WWC2: variants seen among roughly 807,000 people sequenced by gnomAD.
The protein encoded by WWC2 is WW and C2 domain containing 2.
In WWC2, 101 loss-of-function variants were observed where a neutral mutation model predicts 138.5. The observed-to-expected ratio is 0.73, with a 90% CI of 0.62 to 0.86. The LOEUF (loss-of-function observed/expected upper bound fraction) is 0.86, where lower values mean the gene tolerates loss of function less well. Ranked by LOEUF, WWC2 falls within the 40% of genes least tolerant of loss-of-function variation. The probability of loss-of-function intolerance (pLI) is 0.00; values close to 1 mark genes in which losing one functional copy is unlikely to be tolerated. For missense variants in WWC2, 1,420 were observed against 1,419.4 expected, an observed-to-expected ratio of 1.00 and a Z score of -0.01; for synonymous variants, 558 against 538.4, an observed-to-expected ratio of 1.04 and a Z score of -0.50.
intron 1 of WWC2, among the ~76,000 whole-genome samples, chr4:183,141,548 C>T (rs571690209): frequency 1.3e-5 from 2 of 152,190 alleles, no homozygotes; most frequent in Admixed American, 1.3e-4. Context: ...TCCTCTAAGC[C>T]GAGATGATTT....
chr4:183,286,096 A>G (rs1738240454), intron 20 of WWC2, 37 bp downstream of exon 20: 1 of 1,532,294 alleles, frequency 6.5e-7, no homozygotes, highest in Non-Finnish European at 8.9e-7. Flanking sequence ...CTGTCCCTGG[A>G]CCAGTCCAGA....
intron 7 of WWC2, among the ~76,000 whole-genome samples, chr4:183,249,468 C>G (rs1333718052): frequency 6.6e-6 from 1 of 152,066 alleles, no homozygotes; most frequent in Non-Finnish European, 1.5e-5. Flanking sequence ...AGGTAGAGAT[C>G]AACAGTAGGG....
Position 183,218,546 on chromosome 4 carries a change from A to T in WWC2, c.522+9521A>T, listed in dbSNP as rs567415765. Reference sequence around the variant, plus strand: ...TAATCTAGGAAGATATTTGTTATAAAGAATTGGCTGACACAATTATGGAAA... The same window carrying T: ...TAATCTAGGAAGATATTTGTTATAATGAATTGGCTGACACAATTATGGAAA... On this transcript the variant is annotated intron_variant, in intron 4 of 22. Transcript: ENST00000403733. Among the ~76,000 whole-genome samples the T allele has an allele frequency of 2.6e-5, 4 of 152,340 alleles. No individual in the cohort carries two copies. In the East Asian group the frequency reaches 7.7e-4, roughly 29 times the overall value.
At chr4:183,251,465 C>T (rs1248399815) in intron 8 of WWC2, among the ~76,000 whole-genome samples, 1 of 152,226 alleles carries the variant, frequency 6.6e-6, no homozygotes, top group Non-Finnish European at 1.5e-5. Flanking sequence ...TTTCACCCTC[C>T]TTTGACTTCT....
intron 4 of WWC2, among the ~76,000 whole-genome samples, chr4:183,237,583 G>A (rs1268086914): frequency 6.6e-6 from 1 of 152,034 alleles, no homozygotes; most frequent in Non-Finnish European, 1.5e-5. Context: ...CCTCCTTTGA[G>A]TTCCAGTAGC....
At chr4:183,107,368 G>A (rs1470575073) in intron 1 of WWC2, among the ~76,000 whole-genome samples, 2 of 152,108 alleles carry the variant, frequency 1.3e-5, no homozygotes, top group African/African-American at 2.4e-5. Flanking sequence ...GGCCGGTCTC[G>A]AACTTTTGAC....
At chr4:183,190,795 G>T (rs1734968558) in intron 1 of WWC2, among the ~76,000 whole-genome samples, 1 of 152,098 alleles carries the variant, frequency 6.6e-6, no homozygotes, top group Non-Finnish European at 1.5e-5. Flanking sequence ...GAACAAACTG[G>T]ATTATTTCCA....
chr4:183,188,987 C>G (rs1734903602), intron 1 of WWC2, among the ~76,000 whole-genome samples: 1 of 152,096 alleles, frequency 6.6e-6, no homozygotes, highest in Admixed American at 6.6e-5. Context: ...CTAATTTCCT[C>G]ACACACAGGG....
At chr4:183,175,612 G>C (rs1002343431) in intron 1 of WWC2, among the ~76,000 whole-genome samples, 2 of 152,140 alleles carry the variant, frequency 1.3e-5, no homozygotes, top group African/African-American at 4.8e-5. Context: ...CGATCCCATC[G>C]TGGTAAACAT....
intron 6 of WWC2, among the ~76,000 whole-genome samples, chr4:183,248,128 G>A (rs72701359): frequency 6.6e-6 from 1 of 152,056 alleles, no homozygotes; most frequent in Non-Finnish European, 1.5e-5. Flanking sequence ...AGCCAAACAT[G>A]TCACCACAGG....
chr4:183,128,937 T>A (rs1732841506), intron 1 of WWC2, among the ~76,000 whole-genome samples: 1 of 152,236 alleles, frequency 6.6e-6, no homozygotes, highest in Non-Finnish European at 1.5e-5. Context: ...TAGTTAGGCA[T>A]ACTAGTAATT....
chr4:183,156,226 A>G (rs570383262), intron 1 of WWC2, among the ~76,000 whole-genome samples: 1 of 151,662 alleles, frequency 6.6e-6, no homozygotes, highest in Non-Finnish European at 1.5e-5. Flanking sequence ...GGGTTTTGCC[A>G]TGTTGGCCAG....
At chr4:183,155,221 A>AGAGTT (rs1733769693) in intron 1 of WWC2, among the ~76,000 whole-genome samples, 1 of 135,184 alleles carries the variant, frequency 7.4e-6, no homozygotes, top group East Asian at 2.1e-4. Context: ...AGAGAGAGAG[A>AGAGTT]GAGTTAGTTG....
rs138234044 is a variant in WWC2, at chr4:183,103,660, A to G, written c.131+4038A>G. On this transcript the variant is annotated intron_variant, in intron 1 of 22. Transcript: ENST00000403733. ...TCTCTTTTTTTTTTTTTTTTTTGAG[A>G]CGGAGTCTTGCTGTGTCGCCAGACT... 7.9e-3 allele frequency among the ~76,000 whole-genome samples: 964 copies of G among 122,278 alleles called. 6 individuals are homozygous for G. Among genetic ancestry groups the G allele is most frequent in the Middle Eastern group, 0.026 (4 of 156 alleles). The allele number at this position is 122,278 out of a possible 152,430, so 80.2% of individuals were successfully genotyped here.
At chr4:183,312,689 T>A (rs1190970231) in intron 22 of WWC2, among the ~76,000 whole-genome samples, 2 of 152,186 alleles carry the variant, frequency 1.3e-5, no homozygotes, top group Non-Finnish European at 2.9e-5. Flanking sequence ...ACCCAGGGTG[T>A]CCCCAGCTCT....
chr4:183,168,146 G>A (rs912580590), intron 1 of WWC2, among the ~76,000 whole-genome samples: 7 of 148,298 alleles, frequency 4.7e-5, no homozygotes, highest in South Asian at 2.1e-4. Flanking sequence ...GAGCCACCAC[G>A]CCCGGCTGAC....
At chr4:183,263,321 T>C (rs1011404925) in intron 11 of WWC2, among the ~76,000 whole-genome samples, 4 of 152,118 alleles carry the variant, frequency 2.6e-5, no homozygotes, top group Non-Finnish European at 5.9e-5. Context: ...AGGGAAAAAG[T>C]TGCCTAAAGT....
chr4:183,102,577 C>T (rs1017856411), intron 1 of WWC2, among the ~76,000 whole-genome samples: 2 of 152,156 alleles, frequency 1.3e-5, no homozygotes, highest in African/African-American at 4.8e-5. Context: ...TTAATCATTC[C>T]TTTAAATTGT....
In WWC2 at chr4:183,300,134, A is replaced by G. The variant is rs117280002; in HGVS notation, c.3384+10499A>G. On this transcript the variant is annotated intron_variant, in intron 21 of 22. Coordinates refer to ENST00000403733, the MANE Select transcript of WWC2 (RefSeq NM_024949.6). ...TAGGCTTCTTAACACAACTATGAAT[A>G]AATCACTGGGCCTCTCTGCAGGTTG... Among the ~76,000 whole-genome samples the G allele has an allele frequency of 1.6e-4, 25 of 152,300 alleles. No individual in the cohort carries two copies. In the East Asian group the frequency reaches 4.6e-3, roughly 28 times the overall value.
Sources: gnomAD v4.1 joint callset for allele counts (sites outside exome capture counted in the v4.1 genomes callset) on GRCh38, gnomAD v4.1.1 for gene constraint, MANE v1.5 for transcripts, NCBI Gene and HGNC (gene_info 2026-07-23, HGNC 2026-07-21) for gene names.